Variants in CLASP2 observed in about 807,000 individuals in gnomAD.
The protein encoded by CLASP2 is cytoplasmic linker associated protein 2.
CLASP2 carries 47 observed loss-of-function variants against 194.4 expected under a neutral mutation model. The ratio of observed to expected loss-of-function variants is 0.24; its 90% CI spans 0.19 to 0.31. The LOEUF is 0.31. Ranked by LOEUF, CLASP2 falls within the 10% of genes least tolerant of loss-of-function variation. The pLI, the probability that CLASP2 is intolerant of heterozygous loss-of-function variation, is 1.00. For synonymous variants in CLASP2, 619 were observed against 633.5 expected, an observed-to-expected ratio of 0.98 and a Z score of 0.34; for missense variants, 1,445 against 1,823.6, an observed-to-expected ratio of 0.79 and a Z score of 3.78.
intron 7 of CLASP2, among the ~76,000 whole-genome samples, chr3:33,661,392 G>T (rs2085279979): frequency 1.3e-5 from 2 of 152,204 alleles, no homozygotes; most frequent in African/African-American, 4.8e-5. Context: ...GGCAAACATG[G>T]AACAGAAGTC....
chr3:33,584,723 CACAT>C lies in CLASP2; in HGVS notation c.2239+23_2239+26del, dbSNP rs1326814208. 4.7e-6 allele frequency: 7 copies of C among 1,501,944 alleles called. No individual in the cohort carries two copies. In the East Asian group the frequency reaches 1.7e-4, roughly 36 times the overall value. The allele number at this position is 1,501,944 out of a possible 1,614,324, so 93.0% of individuals were successfully genotyped here. On this transcript the variant is annotated intron_variant, in intron 22 of 38. Coordinates refer to ENST00000682230, the MANE Select transcript of CLASP2 (RefSeq NM_001365631.1). ...AAAAAAAAAAAAGGGTTACATGTCT[CACAT>C]AAAAAAAAAAAAAAAATCTTACCCA...
At chr3:33,654,233 C>G (rs1395075456) in intron 7 of CLASP2, among the ~76,000 whole-genome samples, 1 of 152,172 alleles carries the variant, frequency 6.6e-6, no homozygotes, top group Non-Finnish European at 1.5e-5. Flanking sequence ...ATCGTTTTAT[C>G]AAACTCTTTC....
intron 1 of CLASP2, among the ~76,000 whole-genome samples, chr3:33,701,103 A>G (rs1482218579): frequency 6.6e-6 from 1 of 152,226 alleles, no homozygotes; most frequent in Non-Finnish European, 1.5e-5. Context: ...GGACAACTTA[A>G]TATTATAAAG....
chr3:33,696,721 C>T (rs547005483), intron 2 of CLASP2, 134 bp downstream of exon 2: 10 of 676,616 alleles, frequency 1.5e-5, no homozygotes, highest in Middle Eastern at 3.1e-4. Flanking sequence ...CTGCCTCGGC[C>T]TCCCAAAGTG....
chr3:33,613,959 A>C (rs2075665898), intron 12 of CLASP2, among the ~76,000 whole-genome samples: 1 of 152,250 alleles, frequency 6.6e-6, no homozygotes, highest in Non-Finnish European at 1.5e-5. Flanking sequence ...AAAAATTTAC[A>C]TCAATTACAG....
At chr3:33,644,374 G>A (rs2081916202) in intron 8 of CLASP2, 1 of 256,418 alleles carries the variant, frequency 3.9e-6, no homozygotes, top group Admixed American at 5.0e-5. Context: ...CTAGAGGAAT[G>A]TGTAAAAACA....
intron 26 of CLASP2, among the ~76,000 whole-genome samples, chr3:33,568,470 C>T (rs947677168): frequency 7.1e-6 from 1 of 141,054 alleles, no homozygotes; most frequent in Non-Finnish European, 1.6e-5. Context: ...ATGAGAATCG[C>T]TTGAACCCGG....
At chr3:33,649,104 CA>C (rs34521827) in intron 7 of CLASP2, among the ~76,000 whole-genome samples, 29,394 of 152,194 alleles carry the variant, frequency 0.19, 3,157 homozygotes, top group Admixed American at 0.32. Flanking sequence ...TTCTATGATT[CA>C]ATGGCAGGGC....
chr3:33,499,513 C>T (rs1199368453), intron 38 of CLASP2, among the ~76,000 whole-genome samples: 1 of 151,912 alleles, frequency 6.6e-6, no homozygotes, highest in Admixed American at 6.6e-5. Context: ...CCATGCCTGG[C>T]TAATTTTTTA....
intron 19 of CLASP2, 143 bp downstream of exon 19, chr3:33,596,568 T>C (rs1391077599): frequency 1.4e-6 from 1 of 719,646 alleles, no homozygotes. Context: ...CAGAGAATTA[T>C]GTAGCCATTT....
chr3:33,672,397 A>C (rs968380523), intron 6 of CLASP2, among the ~76,000 whole-genome samples: 2 of 152,226 alleles, frequency 1.3e-5, no homozygotes, highest in South Asian at 2.1e-4. Flanking sequence ...GTCTGTTAGA[A>C]GGAAAACGAA....
intron 6 of CLASP2, among the ~76,000 whole-genome samples, chr3:33,680,924 A>G (rs951506942): frequency 2.0e-5 from 3 of 152,116 alleles, no homozygotes; most frequent in African/African-American, 7.2e-5. Context: ...CAGGAGTTTG[A>G]GAACAGCCTG....
intron 1 of CLASP2, among the ~76,000 whole-genome samples, chr3:33,708,460 TTGTG>T (rs1365002307): frequency 2.6e-4 from 36 of 138,996 alleles, no homozygotes; most frequent in Non-Finnish European, 2.5e-4. Context: ...GTGTCATGTG[TTGTG>T]TGTGTGGGTG....
intron 1 of CLASP2, among the ~76,000 whole-genome samples, chr3:33,712,655 C>T (rs775332706): frequency 6.6e-6 from 1 of 152,066 alleles, no homozygotes; most frequent in African/African-American, 2.4e-5. Flanking sequence ...TAATCACCAA[C>T]AGTAATGCCA....
At chr3:33,499,096 G>A (rs1239365655) in intron 38 of CLASP2, among the ~76,000 whole-genome samples, 15 of 152,212 alleles carry the variant, frequency 9.9e-5, no homozygotes, top group Admixed American at 9.8e-4. Flanking sequence ...CCTTGTGGGA[G>A]GTGACTGAAT....
intron 26 of CLASP2, among the ~76,000 whole-genome samples, chr3:33,567,822 C>T (rs1477939397): frequency 1.3e-5 from 2 of 152,132 alleles, no homozygotes; most frequent in Non-Finnish European, 2.9e-5. Flanking sequence ...CTTAAGTAAT[C>T]CTTCCAAAAG....
intron 1 of CLASP2, among the ~76,000 whole-genome samples, chr3:33,705,185 T>C (rs1216802644): frequency 6.6e-6 from 1 of 152,210 alleles, no homozygotes; most frequent in Non-Finnish European, 1.5e-5. Context: ...CAAAATGTAG[T>C]ATATGCATAC....
At chr3:33,666,705 T>C (rs2086237010) in intron 6 of CLASP2, among the ~76,000 whole-genome samples, 1 of 152,198 alleles carries the variant, frequency 6.6e-6, no homozygotes, top group Non-Finnish European at 1.5e-5. Flanking sequence ...AATGTTTTCA[T>C]ATCACTTGCA....
chr3:33,520,625 G>T (rs1183518891), intron 34 of CLASP2, among the ~76,000 whole-genome samples: 1 of 152,000 alleles, frequency 6.6e-6, no homozygotes, highest in Non-Finnish European at 1.5e-5. Flanking sequence ...GGAGGTAATA[G>T]CAGAGATAGC....
Sources: gnomAD v4.1 joint callset for allele counts (sites outside exome capture counted in the v4.1 genomes callset) on GRCh38, gnomAD v4.1.1 for gene constraint, MANE v1.5 for transcripts, NCBI Gene and HGNC (gene_info 2026-07-23, HGNC 2026-07-21) for gene names.